The following ELMO2 variants were observed in gnomAD, a reference collection of about 807,000 sequenced individuals.
ELMO2 encodes the protein engulfment and cell motility protein 2.
Under a neutral mutation model 96.2 loss-of-function variants are expected in ELMO2, and 37 were observed. The ratio of observed to expected loss-of-function variants is 0.38; its 90% confidence interval spans 0.30 to 0.51. ELMO2 has a LOEUF of 0.51. ELMO2 is among the 20% of genes least tolerant of loss of function. The probability of loss-of-function intolerance (pLI) is 0.88; values close to 1 mark genes in which losing one functional copy is unlikely to be tolerated. For missense variants in ELMO2, 561 were observed against 912.6 expected (o/e 0.61, Z 4.96); for synonymous variants, 315 against 329.4 (o/e 0.96, Z 0.47).
Position 46,380,280 on chromosome 20 carries a change from C to A in ELMO2, c.780G>T (p.Gln260His). The A allele has an allele frequency of 6.2e-7, 1 of 1,613,734 alleles. No individual in the cohort carries two copies. The highest frequency in any genetic ancestry group is 8.5e-7 in the Non-Finnish European group (1 of 1,179,712). The stretch of plus-strand genomic sequence containing the variant: ...TCAGGATTATAGACCGGAGATGCTT[C>A]TGTGCAAATGCATTTGCCATATCCT... ...KRQDMANAFA[Q>H]KHLRSIILNH... Residue 260 changes from glutamine (Q) to histidine (H), a missense_variant, in exon 11 of 22, where the codon CAG (glutamine) becomes CAT (histidine). By Grantham distance (24) the Gln-to-His change is conservative. Coordinates refer to ENST00000290246, the MANE Select transcript of ELMO2 (RefSeq NM_133171.5).
intron 20 of ELMO2, chr20:46,370,203 G>A (rs541183124): frequency 1.2e-5 from 8 of 648,118 alleles, no homozygotes; most frequent in Non-Finnish European, 2.0e-5. Flanking sequence ...TGATACTTGG[G>A]ACTTTCTTCA....
intron 3 of ELMO2, 38 bp from the exon 4 acceptor site, chr20:46,394,127 C>T (rs762793609): frequency 1.9e-6 from 3 of 1,563,388 alleles, no homozygotes; most frequent in Non-Finnish European, 1.8e-6. Context: ...ACAGCAGCAA[C>T]ATCCTACTCA....
At position 46,394,473 on chromosome 20, in the gene ELMO2, G is replaced by A. The variant is rs2060210543; in HGVS notation, c.10C>T (p.Pro4Ser). 6.2e-7 allele frequency: 1 copy of A among 1,614,230 alleles called. No homozygotes were observed. The highest frequency in any genetic ancestry group is 8.5e-7 in the Non-Finnish European group (1 of 1,180,040). Residue 4 changes from proline (P) to serine (S), a missense_variant, in exon 3 of 22, where the codon CCG becomes TCG. By Grantham distance (74) the Pro-to-Ser change is moderately conservative. Transcript: ENST00000290246. ...ATGGCCACTTTGACAATGTCTGACGGTGGTGGCATCGTTCCCAATGGGCTC... is the reference window on the plus strand; with the variant it reads ...ATGGCCACTTTGACAATGTCTGACGATGGTGGCATCGTTCCCAATGGGCTC... MPPPSDIVKVAIEW... is the reference protein window; with the variant it reads MPPSSDIVKVAIEW...
chr20:46,371,794 G>A lies in ELMO2; in HGVS notation c.1580+12C>T. ...CACCTCCCCCGCCAGCCTCCCCTGAGATGGAACTTACACAATTGGCGGGGA... is the reference window on the plus strand; with the variant it reads ...CACCTCCCCCGCCAGCCTCCCCTGAAATGGAACTTACACAATTGGCGGGGA... On this transcript the variant is annotated intron_variant, in intron 17 of 21. Transcript: ENST00000290246. This position sits in a 1 kb window ranked among gnomAD's most constrained non-coding sequence, Gnocchi z 5.9. 4 of 1,614,110 alleles carry A rather than the reference G, an allele frequency of 2.5e-6. No homozygotes were observed. Among genetic ancestry groups the A allele is most frequent in the Non-Finnish European group, 3.4e-6 (4 of 1,179,958 alleles).
At chr20:46,369,598 A>G (rs931875754) in intron 20 of ELMO2, 27 of 153,430 alleles carry the variant, frequency 1.8e-4, no homozygotes, top group African/African-American at 5.1e-4. Context: ...GGAATGAGGC[A>G]CTGAGCTTCA....
chr20:46,396,748 G>T (rs1349865980), intron 2 of ELMO2, among the ~76,000 whole-genome samples: 1 of 152,180 alleles, frequency 6.6e-6, no homozygotes, highest in Non-Finnish European at 1.5e-5. Flanking sequence ...CAAGTGACTG[G>T]ATTTAGAACC....
rs574880658 is a variant in ELMO2 at position 46,388,976 on chromosome 20, G to T, written c.425+63C>A. On this transcript the variant is annotated intron_variant, in intron 7 of 21. Coordinates refer to ENST00000290246, the MANE Select transcript of ELMO2 (RefSeq NM_133171.5). ...ATTTGACTCAAGGGAAATGAGACTA[G>T]GATGCCCTGTGGGATGTAGTAAATC... The T allele has an allele frequency of 1.1e-5, 17 of 1,533,462 alleles. No individual in the cohort carries two copies. In the East Asian group the frequency reaches 3.2e-4, roughly 29 times the overall value. 95.0% of individuals were successfully genotyped at this position (1,533,462 alleles called of 1,614,324 possible).
chr20:46,380,364 C>T (rs1250304003), intron 10 of ELMO2, 61 bp from the exon 11 acceptor site: 29 of 1,365,222 alleles, frequency 2.1e-5, no homozygotes, highest in Non-Finnish European at 2.9e-5. Context: ...TGACTACTAT[C>T]GAGAGGAAGG....
At chr20:46,389,274 C>G (rs1260460366) in intron 6 of ELMO2, 54 bp from the exon 7 acceptor site, 1 of 1,559,434 alleles carries the variant, frequency 6.4e-7, no homozygotes, top group East Asian at 2.3e-5. Context: ...CAGGTTACTA[C>G]TCTGTGGATA....
chr20:46,406,427 T>G (rs2145873448), intron 1 of ELMO2, 121 bp downstream of exon 1: 1 of 152,560 alleles, frequency 6.6e-6, no homozygotes, highest in South Asian at 2.1e-4. Context: ...TCTCAGCCCC[T>G]CAGCCTCCGG....
rs959498128 is a variant in ELMO2 at position 46,406,572 on chromosome 20, C to T, written c.-150G>A. On this transcript the variant is annotated 5_prime_UTR_variant, in exon 1 of 22. Coordinates refer to ENST00000290246, the MANE Select transcript of ELMO2 (RefSeq NM_133171.5). ...CCAGGGCGCAGACCTAGGCCCAGCT[C>T]CTGCTCCCGGGTCTCCGCTCGGCGG... 6.5e-6 allele frequency: 1 copy of T among 152,886 alleles called. No homozygotes were observed. The highest frequency in any genetic ancestry group is 2.4e-5 in the African/African-American group (1 of 41,478). 9.5% of individuals were successfully genotyped at this position (152,886 alleles called of 1,614,324 possible).
Position 46,375,305 on chromosome 20 carries a change from A to G in ELMO2, c.996T>C (p.Asn332=), listed in dbSNP as rs1228479349. 1 of 1,614,200 alleles carries G rather than the reference A, an allele frequency of 6.2e-7. No individual in the cohort carries two copies. Among genetic ancestry groups the G allele is most frequent in the East Asian group, 2.2e-5 (1 of 44,880 alleles). The change falls in exon 13 of 22, where the codon AAT becomes AAC. Residue 332 remains asparagine (N), a synonymous_variant. Coordinates refer to ENST00000290246, the MANE Select transcript of ELMO2 (RefSeq NM_133171.5). The surrounding 1 kb of genome is among the most constrained non-coding windows in gnomAD (Gnocchi z 4.6). ...GTTTTTCGGTCCCACTCCCAGGGGC[A>G]TTGCTAGGATCAGACTCTGCGTCAA... The part of the protein sequence containing the change: ...IAFDAESDPS[N]APGSGTEKRK...
In ELMO2 at chr20:46,390,027, C is replaced by T. The variant is rs1475259585; in HGVS notation, c.244-807G>A. ...AATTAGCTGGGCATGGTGGCATGCG[C>T]CTGTAATCCCAGCTACTCAGGAGGC... On this transcript the variant is annotated intron_variant, in intron 6 of 21. Coordinates refer to ENST00000290246, the MANE Select transcript of ELMO2 (RefSeq NM_133171.5). Among the ~76,000 whole-genome samples the T allele has an allele frequency of 2.0e-5, 3 of 151,868 alleles. No individual in the cohort carries two copies. In the East Asian group the frequency reaches 5.8e-4, roughly 29 times the overall value.
chr20:46,388,139 A>G (rs577665165), intron 7 of ELMO2, among the ~76,000 whole-genome samples: 1 of 152,370 alleles, frequency 6.6e-6, no homozygotes, highest in Non-Finnish European at 1.5e-5. Context: ...CTCATTAACA[A>G]TACTTCTCAC....
intron 9 of ELMO2, 143 bp from the exon 10 acceptor site, chr20:46,383,637 A>G: frequency 1.3e-6 from 1 of 796,372 alleles, no homozygotes; most frequent in Non-Finnish European, 2.1e-6. Flanking sequence ...CAAAGTGGGC[A>G]TGCTCTTGAC....
Position 46,389,926 on chromosome 20 carries a change from G to A in ELMO2, c.244-706C>T, listed in dbSNP as rs149332558. On this transcript the variant is annotated intron_variant, in intron 6 of 21. Transcript: ENST00000290246. ...TCCCAGCACTTTGGGAGGCCAAGGC[G>A]GGCAGATCACGAGGTCAGGAGTTCG... Among the ~76,000 whole-genome samples the A allele has an allele frequency of 5.0e-3, 766 of 152,130 alleles. 5 individuals carry two copies. The highest frequency in any genetic ancestry group is 0.017 in the African/African-American group (719 of 41,496).
intron 5 of ELMO2, 46 bp from the exon 6 acceptor site, chr20:46,393,189 T>TA: frequency 6.4e-7 from 1 of 1,572,906 alleles, no homozygotes; most frequent in Non-Finnish European, 8.7e-7. Flanking sequence ...GATAAAATGT[T>TA]AAAGTGGTAC....
In ELMO2 at chr20:46,386,280, A is replaced by T. The variant is rs534655369; in HGVS notation, c.526-5T>A. The T allele has an allele frequency of 6.8e-6, 11 of 1,613,582 alleles. No individual in the cohort carries two copies. In the East Asian group the frequency reaches 2.5e-4, roughly 36 times the overall value. On this transcript the variant is annotated splice_region_variant and splice_polypyrimidine_tract_variant and intron_variant, in intron 8 of 21. Coordinates refer to ENST00000290246, the MANE Select transcript of ELMO2 (RefSeq NM_133171.5). ...CTGGCTCACATACCCTGCAATCTAGACCCAGAGATGGCACATCAATTGAGA... is the reference window on the plus strand; with the variant it reads ...CTGGCTCACATACCCTGCAATCTAGTCCCAGAGATGGCACATCAATTGAGA...
intron 10 of ELMO2, among the ~76,000 whole-genome samples, chr20:46,381,317 A>G (rs1809152826): frequency 6.6e-6 from 1 of 152,188 alleles, no homozygotes. Context: ...TTCATTTTCT[A>G]AACTGCTGCC....
Sources: gnomAD v4.1 joint callset for allele counts (sites outside exome capture counted in the v4.1 genomes callset) on GRCh38, gnomAD v4.1.1 for gene constraint, Gnocchi (gnomAD v3.1) non-coding constraint, MANE v1.5 for transcripts, NCBI Gene and HGNC (gene_info 2026-07-23, HGNC 2026-07-21) for gene names.